The following SPINK2 variants were observed in gnomAD, a reference collection of about 807,000 sequenced individuals.
SPINK2 encodes the protein serine peptidase inhibitor Kazal type 2, also known as serine protease inhibitor Kazal-type 2.
A neutral mutation model predicts 13.5 loss-of-function variants in SPINK2; 8 were observed. That is an observed-to-expected ratio of 0.59 (90% CI 0.35 to 1.07). The LOEUF (loss-of-function observed/expected upper bound fraction) is 1.07, where lower values mean the gene tolerates loss of function less well. SPINK2 is among the 50% of genes least tolerant of loss of function. The probability of loss-of-function intolerance (pLI) is 0.02; values close to 1 mark genes in which losing one functional copy is unlikely to be tolerated. For synonymous variants in SPINK2, 76 were observed against 74.7 expected (o/e 1.02, Z -0.09); for missense variants, 148 against 180.3 (o/e 0.82, Z 1.03).
At chr4:56,819,653 T>C (rs918243418) in intron 2 of SPINK2, among the ~76,000 whole-genome samples, 1 of 151,624 alleles carries the variant, frequency 6.6e-6, no homozygotes, top group East Asian at 1.9e-4. Context: ...TCTCACTCTG[T>C]TGTCTGGGCT....
chr4:56,810,202 A>T lies in SPINK2; in HGVS notation c.360-18T>A. ...CACCTTCCCTGCAAATTGAACAATC[A>T]TAGAAATACATTTATTACCTACCAT... On this transcript the variant is annotated intron_variant, in intron 3 of 3. Transcript: ENST00000506738. 6.3e-7 allele frequency: 1 copy of T among 1,595,482 alleles called. No individual in the cohort carries two copies. Among genetic ancestry groups the T allele is most frequent in the Non-Finnish European group, 8.6e-7 (1 of 1,166,880 alleles).
At position 56,814,113 on chromosome 4, in the gene SPINK2, C is replaced by T. The variant is rs145762504; in HGVS notation, c.250-2319G>A. ...TAATTTTTGTATTTTTAGTAGAGAC[C>T]GGCTTTCACCATGTTGGCCAGGATG... On this transcript the variant is annotated intron_variant, in intron 2 of 3. Transcript: ENST00000506738. Among the ~76,000 whole-genome samples the T allele has an allele frequency of 6.7e-3, 1,015 of 150,730 alleles. 15 individuals carry two copies. The highest frequency in any genetic ancestry group is 0.023 in the African/African-American group (926 of 41,062).
At position 56,811,584 on chromosome 4, in the gene SPINK2, T is replaced by A. The variant is rs1024295574; in HGVS notation, c.359+101A>T. On this transcript the variant is annotated intron_variant, in intron 3 of 3. Transcript: ENST00000506738. ...GTGAACCAAGATTGCACCACTGCAC[T>A]CCAGCCTGGGTGACAGAGTGAGACT... The A allele has an allele frequency of 1.6e-5, 11 of 683,904 alleles. No homozygotes were observed. In the Admixed American group the frequency reaches 3.2e-4, roughly 20 times the overall value. 42.4% of individuals were successfully genotyped at this position (683,904 alleles called of 1,614,324 possible).
chr4:56,811,655 G>T, intron 3 of SPINK2, 30 bp downstream of exon 3: 1 of 1,368,102 alleles, frequency 7.3e-7, no homozygotes, highest in Non-Finnish European at 1.0e-6. Flanking sequence ...AAGAAAACTT[G>T]GCTAGTCTAC....
At chr4:56,821,867 A>G (rs10024985), upstream of SPINK2, 41,622 of 522,550 alleles carry the variant, frequency 0.08, 5,526 homozygotes, top group African/African-American at 0.44. Flanking sequence ...GGAGAACCGG[A>G]AAGGGCTGGG....
At chr4:56,811,631 A>AAAAAAAAGAAGAT (rs1716985817) in intron 3 of SPINK2, 54 bp downstream of exon 3, 1 of 1,270,858 alleles carries the variant, frequency 7.9e-7, no homozygotes, top group Middle Eastern at 2.0e-4. Context: ...AAAAAGAAGA[A>AAAAAAAAGAAGAT]AAAAAAAGAA....
At chr4:56,811,477 C>T (rs142086419) in intron 3 of SPINK2, among the ~76,000 whole-genome samples, 5 of 152,042 alleles carry the variant, frequency 3.3e-5, no homozygotes, top group Admixed American at 6.6e-5. Flanking sequence ...ATTAGCCAAG[C>T]GTGGTGGCAG....
In SPINK2 at chr4:56,811,779, A is replaced by G. The variant is rs1156361195; in HGVS notation, c.265T>C (p.Tyr89His). The G allele has an allele frequency of 1.9e-6, 3 of 1,608,012 alleles. No homozygotes were observed. In the African/African-American group the frequency reaches 4.0e-5, roughly 21 times the overall value. Residue 89 changes from tyrosine to histidine, a missense_variant, in exon 3 of 4, where the codon TAT (tyrosine) becomes CAT (histidine). Tyr to His is a moderately conservative substitution (Grantham distance 83, BLOSUM62 2). Coordinates refer to ENST00000506738, the MANE Select transcript of SPINK2 (RefSeq NM_001271718.2). ...TGTCTGGGACATCCTGGTAATCTAT[A>G]CTGAGAGCAGTTTGGCTGGAAAAAA... ...SKYRTPNCSQYRLPGCPRHFN... is the reference protein window; with the variant it reads ...SKYRTPNCSQHRLPGCPRHFN...
chr4:56,815,163 A>G (rs1018905892), intron 2 of SPINK2, among the ~76,000 whole-genome samples: 7 of 152,018 alleles, frequency 4.6e-5, no homozygotes, highest in African/African-American at 1.7e-4. Context: ...TCAACCTTAT[A>G]AAAGGCATCC....
intron 2 of SPINK2, among the ~76,000 whole-genome samples, chr4:56,817,426 A>G (rs147071092): frequency 6.6e-6 from 1 of 152,262 alleles, no homozygotes; most frequent in African/African-American, 2.4e-5. Context: ...CTTTTTTTGC[A>G]GCAGAAACTG....
intron 3 of SPINK2, 177 bp from the exon 4 acceptor site, chr4:56,810,361 CTG>C: frequency 1.6e-6 from 1 of 622,888 alleles, no homozygotes; most frequent in Non-Finnish European, 2.7e-6. Flanking sequence ...AGTCCCCACT[CTG>C]TCATTTTTTT....
intron 2 of SPINK2, among the ~76,000 whole-genome samples, chr4:56,817,578 C>T (rs571240888): frequency 2.0e-5 from 3 of 152,224 alleles, no homozygotes; most frequent in South Asian, 4.1e-4. Context: ...AGGCCGGGTG[C>T]GGTGGTTCAC....
chr4:56,819,012 T>C (rs1279268965), intron 2 of SPINK2, among the ~76,000 whole-genome samples: 1 of 152,168 alleles, frequency 6.6e-6, no homozygotes, highest in Non-Finnish European at 1.5e-5. Context: ...GGAGTCAGAC[T>C]GCCTGGATGA....
rs1433601356 is a variant in SPINK2, at chr4:56,821,680, T to C, written c.-18A>G. 1 of 1,508,468 alleles carries C rather than the reference T, an allele frequency of 6.6e-7. No individual in the cohort carries two copies. The highest frequency in any genetic ancestry group is 2.2e-5 in the Admixed American group (1 of 45,882). The allele number at this position is 1,508,468 out of a possible 1,614,324, so 93.4% of individuals were successfully genotyped here. A position where few individuals can be genotyped will look rare whatever the true frequency, so the allele number is the denominator to read the frequency against. On this transcript the variant is annotated 5_prime_UTR_variant, in exon 1 of 4. Coordinates refer to ENST00000506738, the MANE Select transcript of SPINK2 (RefSeq NM_001271718.2). ...AGCGCCATCCTCCTCCCGCGCCGGCTGTCTTGCCCCTGCGGTCTGTTACCT... is the reference window on the plus strand; with the variant it reads ...AGCGCCATCCTCCTCCCGCGCCGGCCGTCTTGCCCCTGCGGTCTGTTACCT...
At chr4:56,816,471 G>T (rs1409954757) in intron 2 of SPINK2, among the ~76,000 whole-genome samples, 1 of 151,930 alleles carries the variant, frequency 6.6e-6, no homozygotes. Flanking sequence ...GGCCAACCTG[G>T]TGAAACCCCG....
chr4:56,810,410 ATCAC>A (rs1716881637), intron 3 of SPINK2: 4 of 505,808 alleles, frequency 7.9e-6, no homozygotes, highest in Non-Finnish European at 1.4e-5. Context: ...ACCCCAAAGA[ATCAC>A]TCAGAGAGCT....
chr4:56,811,043 T>G (rs1055814739), intron 3 of SPINK2, among the ~76,000 whole-genome samples: 1 of 152,202 alleles, frequency 6.6e-6, no homozygotes, highest in African/African-American at 2.4e-5. Context: ...CACCTACACA[T>G]GCCCTTTGAA....
intron 1 of SPINK2, 31 bp downstream of exon 1, chr4:56,821,427 C>T (rs370920410): frequency 1.3e-6 from 2 of 1,482,382 alleles, no homozygotes; most frequent in Admixed American, 2.3e-5. Flanking sequence ...CACAAAGCCA[C>T]CCCCACAACC....
chr4:56,817,722 T>C (rs557493416), intron 2 of SPINK2, among the ~76,000 whole-genome samples: 1 of 151,988 alleles, frequency 6.6e-6, no homozygotes, highest in Non-Finnish European at 1.5e-5. Context: ...AGCATGGCAG[T>C]GCACGCCTGT....
Sources: allele counts gnomAD v4.1 joint callset (sites outside exome capture counted in the v4.1 genomes callset), GRCh38; gene constraint gnomAD v4.1.1; transcripts MANE v1.5; gene names NCBI Gene and HGNC (gene_info 2026-07-23, HGNC 2026-07-21).